The following RNF13 variants were observed in gnomAD, a reference collection of about 807,000 sequenced individuals.
RNF13 encodes E3 ubiquitin-protein ligase RNF13.
Under a neutral mutation model 37.7 loss-of-function variants are expected in RNF13, and 19 were observed. The observed-to-expected ratio is 0.50, with a 90% CI of 0.35 to 0.74. The LOEUF is 0.74. Ranked by LOEUF, RNF13 falls within the 30% of genes least tolerant of loss-of-function variation. RNF13 has a pLI of 0.01. For synonymous variants in RNF13, 144 were observed against 157.8 expected (o/e 0.91, Z 0.65); for missense variants, 375 against 453.0 (o/e 0.83, Z 1.56).
At position 149,920,994 on chromosome 3, in the gene RNF13, A is replaced by G. The variant is rs141606704; in HGVS notation, c.607-140A>G. The stretch of plus-strand genomic sequence containing the variant: ...GTAATTTAATGCTTTAATTAACAAT[A>G]CTATTGCAATTAGAATTTAAATGAA... On this transcript the variant is annotated intron_variant, in intron 7 of 9. Coordinates refer to ENST00000392894, the MANE Select transcript of RNF13 (RefSeq NM_183381.3). The G allele has an allele frequency of 2.5e-3, 862 of 342,742 alleles. 3 individuals carry two copies. Among genetic ancestry groups the G allele is most frequent in the African/African-American group, 0.017 (810 of 46,778 alleles). 21.2% of individuals were successfully genotyped at this position (342,742 alleles called of 1,614,324 possible).
chr3:149,906,083 A>G (rs1716358315), intron 6 of RNF13, among the ~76,000 whole-genome samples: 1 of 152,166 alleles, frequency 6.6e-6, no homozygotes. Flanking sequence ...CATGAATGGA[A>G]TCATATAATA....
At chr3:149,874,913 GA>G (rs1050429114) in intron 4 of RNF13, among the ~76,000 whole-genome samples, 2 of 152,020 alleles carry the variant, frequency 1.3e-5, no homozygotes, top group Non-Finnish European at 2.9e-5. Flanking sequence ...TTTCATATCA[GA>G]AATCTCTGAC....
intron 4 of RNF13, among the ~76,000 whole-genome samples, chr3:149,887,446 A>G (rs57979923): frequency 0.03 from 4,548 of 152,256 alleles, 79 homozygotes; most frequent in South Asian, 0.036. Flanking sequence ...GACTACAGGC[A>G]TGTGCCATCA....
intron 7 of RNF13, among the ~76,000 whole-genome samples, chr3:149,912,617 G>A (rs2108519570): frequency 6.6e-6 from 1 of 152,168 alleles, no homozygotes; most frequent in East Asian, 1.9e-4. Context: ...AAAAAGCACA[G>A]TAAAATGTTA....
intron 4 of RNF13, among the ~76,000 whole-genome samples, chr3:149,890,989 T>C (rs1188424485): frequency 6.6e-6 from 1 of 152,216 alleles, no homozygotes; most frequent in Non-Finnish European, 1.5e-5. Flanking sequence ...GCCCACAAGA[T>C]TTTAAGATTA....
At chr3:149,861,824 A>G (rs2108416673) in intron 3 of RNF13, among the ~76,000 whole-genome samples, 1 of 152,308 alleles carries the variant, frequency 6.6e-6, no homozygotes, top group Non-Finnish European at 1.5e-5. Context: ...TAAATACTCA[A>G]GGTAATAGGT....
intron 8 of RNF13, among the ~76,000 whole-genome samples, chr3:149,921,828 C>T (rs970403780): frequency 2.6e-5 from 4 of 152,156 alleles, no homozygotes; most frequent in Non-Finnish European, 5.9e-5. Context: ...AATGGGATTG[C>T]TGGATCAAAT....
intron 8 of RNF13, among the ~76,000 whole-genome samples, chr3:149,953,768 A>T (rs1263807223): frequency 6.6e-6 from 1 of 152,200 alleles, no homozygotes; most frequent in African/African-American, 2.4e-5. Context: ...AACCTTGCCA[A>T]GCACCCATTC....
rs946279774 is a variant in RNF13, at chr3:149,857,352, T to G, written c.195+4756T>G. On this transcript the variant is annotated intron_variant, in intron 3 of 9. Transcript: ENST00000392894. ...CCAAGGAATTTTGACCTATTTGAAC[T>G]TTAATGCAAAAATGTAAATCTTTTC... Among the ~76,000 whole-genome samples the G allele has an allele frequency of 3.9e-5, 6 of 152,324 alleles. No individual in the cohort carries two copies. The East Asian group carries it at 1.2e-3, about 29-fold the overall frequency.
chr3:149,822,768 A>G lies in RNF13; in HGVS notation c.-17+9415A>G, dbSNP rs1362603813. 2.0e-5 allele frequency among the ~76,000 whole-genome samples: 3 copies of G among 152,138 alleles called. No individual in the cohort carries two copies. In the East Asian group the frequency reaches 5.8e-4, roughly 29 times the overall value. On this transcript the variant is annotated intron_variant, in intron 1 of 9. Coordinates refer to ENST00000392894, the MANE Select transcript of RNF13 (RefSeq NM_183381.3). Reference sequence around the variant, plus strand: ...AGTGTCAATACGTAATTCATTTTCAAAGTTACAATTATTTTGCAACTTAAT... The same window carrying G: ...AGTGTCAATACGTAATTCATTTTCAGAGTTACAATTATTTTGCAACTTAAT...
rs1718364208 is a variant in RNF13, at chr3:149,923,654, T to TA, written c.700+2428dup. 2.0e-5 allele frequency among the ~76,000 whole-genome samples: 3 copies of TA among 149,938 alleles called. No individual in the cohort carries two copies. In the South Asian group the frequency reaches 6.3e-4, roughly 31 times the overall value. On this transcript the variant is annotated intron_variant, in intron 8 of 9. Coordinates refer to ENST00000392894, the MANE Select transcript of RNF13 (RefSeq NM_183381.3). ...GGTGGTGCGTGCCTGTAGTACCAGC[T>TA]ACTCAGGAGGCTGAGGCAGGGGAAT...
At chr3:149,824,392 C>A (rs1720276674) in intron 1 of RNF13, among the ~76,000 whole-genome samples, 1 of 152,066 alleles carries the variant, frequency 6.6e-6, no homozygotes, top group Non-Finnish European at 1.5e-5. Context: ...TCACAAGTGT[C>A]CTTAAAAATG....
chr3:149,864,358 ATGCTGG>A (rs149144716), intron 3 of RNF13, among the ~76,000 whole-genome samples: 39 of 152,200 alleles, frequency 2.6e-4, no homozygotes, highest in Non-Finnish European at 4.9e-4. Flanking sequence ...TCAGAAACAG[ATGCTGG>A]TGCCATGCCT....
chr3:149,902,025 C>A, intron 5 of RNF13, 47 bp from the exon 6 acceptor site: 2 of 823,930 alleles, frequency 2.4e-6, no homozygotes, highest in South Asian at 2.5e-5. Context: ...GTTGATTATA[C>A]ACTAAATATG....
chr3:149,861,741 G>A (rs903395970), intron 3 of RNF13, among the ~76,000 whole-genome samples: 4 of 152,084 alleles, frequency 2.6e-5, no homozygotes, highest in Non-Finnish European at 4.4e-5. Context: ...ACTATAGTTA[G>A]CAATAATGTA....
At chr3:149,925,745 A>C (rs925754986) in intron 8 of RNF13, among the ~76,000 whole-genome samples, 1 of 152,134 alleles carries the variant, frequency 6.6e-6, no homozygotes, top group East Asian at 1.9e-4. Context: ...GATTAATTTG[A>C]TCATAGTATA....
At chr3:149,949,708 T>G (rs918428122) in intron 8 of RNF13, among the ~76,000 whole-genome samples, 1 of 151,696 alleles carries the variant, frequency 6.6e-6, no homozygotes, top group African/African-American at 2.4e-5. Flanking sequence ...TCCCTCAGAT[T>G]CTCTTCATTT....
Position 149,947,163 on chromosome 3 carries a change from C to CT in RNF13, c.701-12887dup, listed in dbSNP as rs1428232758. ...GACTTCAATCTTCTTACATTTAAGG[C>CT]TTTTTTCGTGGTCTAATATGTAGTC... On this transcript the variant is annotated intron_variant, in intron 8 of 9. Transcript: ENST00000392894. Among the ~76,000 whole-genome samples, 6 of 151,976 alleles carry CT rather than the reference C, an allele frequency of 3.9e-5. No homozygotes were observed. In the East Asian group the frequency reaches 1.2e-3, roughly 29 times the overall value.
intron 7 of RNF13, among the ~76,000 whole-genome samples, chr3:149,918,693 G>GTT (rs71138423): frequency 0.043 from 5,651 of 132,306 alleles, 205 homozygotes; most frequent in Non-Finnish European, 0.063. Flanking sequence ...CCAGCTAATT[G>GTT]TTTTTTTTTT....
Sources: allele counts gnomAD v4.1 joint callset (sites outside exome capture counted in the v4.1 genomes callset), GRCh38; gene constraint gnomAD v4.1.1; transcripts MANE v1.5; gene names NCBI Gene and HGNC (gene_info 2026-07-23, HGNC 2026-07-21).